FRMD3: variants seen among roughly 807,000 people sequenced by gnomAD.
FRMD3 encodes FERM domain containing 3.
A neutral mutation model predicts 70.2 loss-of-function variants in FRMD3; 33 were observed. The ratio of observed to expected loss-of-function variants is 0.47; its 90% confidence interval spans 0.36 to 0.63. The LOEUF is 0.63. Ranked by LOEUF, FRMD3 falls within the 20% of genes least tolerant of loss-of-function variation. The probability of loss-of-function intolerance (pLI) is 0.00; values close to 1 mark genes in which losing one functional copy is unlikely to be tolerated. For missense variants in FRMD3, 632 were observed against 711.4 expected (o/e 0.89, Z 1.27); for synonymous variants, 279 against 255.9 (o/e 1.09, Z -0.86).
intron 3 of FRMD3, among the ~76,000 whole-genome samples, chr9:83,371,598 G>T (rs1349639555): frequency 6.6e-6 from 1 of 152,250 alleles, no homozygotes; most frequent in East Asian, 1.9e-4. Context: ...TTACAGGCGT[G>T]AGCCTGGCCC....
intron 1 of FRMD3, among the ~76,000 whole-genome samples, chr9:83,527,458 C>T (rs1270137153): frequency 1.3e-5 from 2 of 152,060 alleles, no homozygotes; most frequent in Non-Finnish European, 2.9e-5. Context: ...CAAAGAAATG[C>T]GCCCAGTGAG....
intron 1 of FRMD3, among the ~76,000 whole-genome samples, chr9:83,495,961 C>A (rs1270488012): frequency 1.3e-5 from 2 of 152,172 alleles, no homozygotes; most frequent in Non-Finnish European, 1.5e-5. Context: ...AAAGTAAATT[C>A]TTGAATCTGG....
intron 12 of FRMD3, among the ~76,000 whole-genome samples, chr9:83,296,186 C>G (rs530164832): frequency 3.3e-5 from 5 of 152,302 alleles, no homozygotes; most frequent in African/African-American, 1.2e-4. Context: ...GAAAACCAAA[C>G]AAGTGTCCAA....
chr9:83,251,066 A>C (rs953185261), intron 13 of FRMD3, among the ~76,000 whole-genome samples: 1 of 152,154 alleles, frequency 6.6e-6, no homozygotes, highest in African/African-American at 2.4e-5. Context: ...CTGAGTGGGA[A>C]CTCACAACAG....
chr9:83,345,479 C>G (rs187949372), intron 4 of FRMD3, among the ~76,000 whole-genome samples: 1 of 151,954 alleles, frequency 6.6e-6, no homozygotes, highest in African/African-American at 2.4e-5. Context: ...CCAGGGGGGC[C>G]GGGCATGGTG....
At chr9:83,443,328 C>T (rs913074073) in intron 1 of FRMD3, among the ~76,000 whole-genome samples, 2 of 152,160 alleles carry the variant, frequency 1.3e-5, no homozygotes, top group Non-Finnish European at 2.9e-5. Context: ...ATGTGATGTA[C>T]CCCGCCCTGT....
In FRMD3 at chr9:83,319,398, C is replaced by T. The variant is rs527939212; in HGVS notation, c.597-5651G>A. On this transcript the variant is annotated intron_variant, in intron 6 of 13. Coordinates refer to ENST00000304195, the MANE Select transcript of FRMD3 (RefSeq NM_174938.6). ...GTATGGGTCCAGTTTCACTCTTCTGCATGCAGCTATCAATTTTCCCAGGAT... is the reference window on the plus strand; with the variant it reads ...GTATGGGTCCAGTTTCACTCTTCTGTATGCAGCTATCAATTTTCCCAGGAT... 3.9e-5 allele frequency among the ~76,000 whole-genome samples: 6 copies of T among 152,178 alleles called. No homozygotes were observed. In the South Asian group the frequency reaches 1.2e-3, roughly 32 times the overall value.
At position 83,364,888 on chromosome 9, in the gene FRMD3, G is replaced by T. The variant is rs1294210726; in HGVS notation, c.295+8025C>A. On this transcript the variant is annotated intron_variant, in intron 3 of 13. Transcript: ENST00000304195. ...GAATGCCTTGAATAAAAATTTATCT[G>T]CCCCTTGTATGTATGAAATACAATC... is the stretch of plus-strand genomic sequence containing the variant. Among the ~76,000 whole-genome samples the T allele has an allele frequency of 3.3e-5, 5 of 152,240 alleles. No individual in the cohort carries two copies. The East Asian group carries it at 7.7e-4, about 24-fold the overall frequency.
At chr9:83,450,776 T>C (rs1259387594) in intron 1 of FRMD3, among the ~76,000 whole-genome samples, 3 of 151,958 alleles carry the variant, frequency 2.0e-5, no homozygotes, top group African/African-American at 4.8e-5. Context: ...TCTAGAAAAA[T>C]ACCGTGCTGC....
chr9:83,266,562 C>G (rs193093247), intron 13 of FRMD3, among the ~76,000 whole-genome samples: 1 of 152,230 alleles, frequency 6.6e-6, no homozygotes, highest in East Asian at 1.9e-4. Context: ...TTGAGTAAAG[C>G]TCTGCCTTGA....
intron 3 of FRMD3, among the ~76,000 whole-genome samples, chr9:83,357,781 T>G (rs2131214103): frequency 6.6e-6 from 1 of 152,308 alleles, no homozygotes; most frequent in East Asian, 1.9e-4. Context: ...GCTTGTTTTT[T>G]TCTTGCTGAT....
chr9:83,399,475 G>C (rs1231831172), intron 1 of FRMD3, among the ~76,000 whole-genome samples: 1 of 125,196 alleles, frequency 8.0e-6, no homozygotes, highest in Admixed American at 9.0e-5. Context: ...TGCTCAAAAG[G>C]TTCTTTCTTC....
chr9:83,450,356 T>TG (rs1564083371), intron 1 of FRMD3, among the ~76,000 whole-genome samples: 1 of 139,326 alleles, frequency 7.2e-6, no homozygotes, highest in Non-Finnish European at 1.6e-5. Flanking sequence ...AGTTTTTTTT[T>TG]TTTTTTTTTT....
chr9:83,438,613 T>C (rs1827207847), intron 1 of FRMD3, among the ~76,000 whole-genome samples: 1 of 152,160 alleles, frequency 6.6e-6, no homozygotes, highest in Admixed American at 6.5e-5. Context: ...TTGGCCAGGC[T>C]GTTCTCGAAC....
At chr9:83,485,067 T>C (rs549840398) in intron 1 of FRMD3, among the ~76,000 whole-genome samples, 20 of 152,366 alleles carry the variant, frequency 1.3e-4, no homozygotes, top group African/African-American at 3.8e-4. Flanking sequence ...TAGCTCTATC[T>C]GGGCCTTTCA....
At chr9:83,277,206 A>G (rs1183989452) in intron 13 of FRMD3, among the ~76,000 whole-genome samples, 1 of 152,228 alleles carries the variant, frequency 6.6e-6, no homozygotes, top group Non-Finnish European at 1.5e-5. Flanking sequence ...GTGAAATGAA[A>G]AAGCAGATTA....
intron 1 of FRMD3, among the ~76,000 whole-genome samples, chr9:83,532,980 C>G (rs554566035): frequency 6.6e-6 from 1 of 152,336 alleles, no homozygotes; most frequent in South Asian, 2.1e-4. Context: ...TGGGAAGCAG[C>G]AACTGAGTCC....
At chr9:83,329,119 C>T (rs1226757479) in intron 6 of FRMD3, among the ~76,000 whole-genome samples, 2 of 152,018 alleles carry the variant, frequency 1.3e-5, no homozygotes, top group East Asian at 1.9e-4. Context: ...CCCAGCCCAT[C>T]CCTCCCTAGA....
intron 1 of FRMD3, among the ~76,000 whole-genome samples, chr9:83,535,627 T>C (rs1264150074): frequency 6.6e-6 from 1 of 152,168 alleles, no homozygotes; most frequent in Non-Finnish European, 1.5e-5. Context: ...GATTTTTTTT[T>C]TTTTAGCTCA....
Sources: gnomAD v4.1 joint callset for allele counts (sites outside exome capture counted in the v4.1 genomes callset) on GRCh38, gnomAD v4.1.1 for gene constraint, MANE v1.5 for transcripts, NCBI Gene and HGNC (gene_info 2026-07-23, HGNC 2026-07-21) for gene names.